The following CHN2 variants were observed in gnomAD, a reference collection of about 807,000 sequenced individuals.
CHN2 encodes the protein beta-chimaerin.
A neutral mutation model predicts 56.3 loss-of-function variants in CHN2; 35 were observed. That is an observed-to-expected ratio of 0.62 (90% CI 0.47 to 0.82). The LOEUF is 0.82. Among genes scored for constraint, CHN2 ranks in the 40% least tolerant of loss-of-function variants. The probability of loss-of-function intolerance (pLI) is 0.00; values close to 1 mark genes in which losing one functional copy is unlikely to be tolerated. For synonymous variants in CHN2, 210 were observed against 212.8 expected, an observed-to-expected ratio of 0.99 and a Z score of 0.12; for missense variants, 491 against 580.5, an observed-to-expected ratio of 0.85 and a Z score of 1.58.
At chr7:29,150,381 A>T (rs1352387469) in intron 2 of CHN2, among the ~76,000 whole-genome samples, 1 of 152,246 alleles carries the variant, frequency 6.6e-6, no homozygotes, top group Non-Finnish European at 1.5e-5. Context: ...TGTAACAATA[A>T]TAATGGTGAT....
chr7:29,482,227 C>G (rs1287589869), intron 7 of CHN2, among the ~76,000 whole-genome samples: 3 of 152,172 alleles, frequency 2.0e-5, no homozygotes, highest in South Asian at 2.1e-4. Context: ...AGTACACAAG[C>G]CAGACAGGAG....
At chr7:29,224,960 G>T (rs1786080076) in intron 1 of CHN2, among the ~76,000 whole-genome samples, 1 of 152,088 alleles carries the variant, frequency 6.6e-6, no homozygotes, top group Non-Finnish European at 1.5e-5. Context: ...AAGGATAAAG[G>T]CAGATTTCCA....
In CHN2 at chr7:29,219,173, C is replaced by T. The variant is rs1785579139; in HGVS notation, c.49+24183C>T. ...CTCCTAGAGCCAAGGCCAAATTATA[C>T]TCATGTGTAGTCAAGGTAATGAAAG... On this transcript the variant is annotated intron_variant, in intron 1 of 12. Transcript: ENST00000222792. 1.3e-5 allele frequency among the ~76,000 whole-genome samples: 2 copies of T among 152,168 alleles called. 1 individual carries two copies. Among genetic ancestry groups the T allele is most frequent in the South Asian group, 4.1e-4 (2 of 4,822 alleles).
intron 1 of CHN2, among the ~76,000 whole-genome samples, chr7:29,259,571 AT>A (rs935950961): frequency 2.6e-5 from 4 of 152,144 alleles, no homozygotes; most frequent in Non-Finnish European, 5.9e-5. Flanking sequence ...CATCTTTTAT[AT>A]TGGTACTATT....
chr7:29,286,191 C>G (rs1282311907), intron 1 of CHN2, among the ~76,000 whole-genome samples: 3 of 148,836 alleles, frequency 2.0e-5, no homozygotes, highest in African/African-American at 7.5e-5. Flanking sequence ...CCCCGCCCCC[C>G]ATGATTCCAT....
At chr7:29,347,485 G>A (rs1221749062) in intron 1 of CHN2, among the ~76,000 whole-genome samples, 1 of 152,128 alleles carries the variant, frequency 6.6e-6, no homozygotes, top group Non-Finnish European at 1.5e-5. Flanking sequence ...CGGAGGGGAA[G>A]CAGGCACCTT....
In CHN2 at chr7:29,489,739, G is replaced by A. The variant is rs558966429; in HGVS notation, c.655-6213G>A. ...CTGGGTGCTACTTGCTCTTCGAGAC[G>A]TCTATGCATTTATTTGGCTGGACAG... On this transcript the variant is annotated intron_variant, in intron 7 of 12. Coordinates refer to ENST00000222792, the MANE Select transcript of CHN2 (RefSeq NM_004067.4). Among the ~76,000 whole-genome samples the A allele has an allele frequency of 6.6e-5, 10 of 152,264 alleles. No individual in the cohort carries two copies. The East Asian group carries it at 9.6e-4, about 15-fold the overall frequency.
chr7:29,247,749 T>C (rs1001010682), intron 1 of CHN2, among the ~76,000 whole-genome samples: 17 of 152,254 alleles, frequency 1.1e-4, no homozygotes, highest in African/African-American at 3.9e-4. Flanking sequence ...GGAAAGGAGC[T>C]GTTCTGTTAT....
chr7:29,458,419 C>A (rs962203481), intron 6 of CHN2, among the ~76,000 whole-genome samples: 16 of 140,466 alleles, frequency 1.1e-4, no homozygotes, highest in Admixed American at 7.9e-4. Flanking sequence ...ACACACACAC[C>A]CCATGCATTA....
intron 1 of CHN2, chr7:29,146,831 A>G (rs750105059): frequency 1.1e-4 from 171 of 1,550,534 alleles, no homozygotes; most frequent in Non-Finnish European, 1.4e-4. Flanking sequence ...GTATTTTGAA[A>G]TTATTTCTGC....
At chr7:29,227,000 G>A (rs1170108735) in intron 1 of CHN2, among the ~76,000 whole-genome samples, 1 of 152,200 alleles carries the variant, frequency 6.6e-6, no homozygotes, top group Non-Finnish European at 1.5e-5. Flanking sequence ...ACATGAGGGT[G>A]TCATAAATGG....
At chr7:29,325,081 C>T (rs1366153558) in intron 1 of CHN2, among the ~76,000 whole-genome samples, 2 of 152,166 alleles carry the variant, frequency 1.3e-5, no homozygotes, top group Admixed American at 1.3e-4. Context: ...TTTTGACTCC[C>T]TTTACAGTCT....
chr7:29,437,712 C>G (rs114855837), intron 6 of CHN2, among the ~76,000 whole-genome samples: 1,592 of 147,802 alleles, frequency 0.011, 28 homozygotes, highest in African/African-American at 0.038. Context: ...GTAGATAGCT[C>G]TTTGCTTAGG....
intron 6 of CHN2, among the ~76,000 whole-genome samples, chr7:29,468,400 A>G (rs1313890767): frequency 1.3e-5 from 2 of 152,040 alleles, no homozygotes; most frequent in Non-Finnish European, 2.9e-5. Context: ...ACTTCCACCA[A>G]CACCAAGGGA....
At chr7:29,352,367 GTA>G (rs1554277943) in intron 1 of CHN2, among the ~76,000 whole-genome samples, 31 of 128,256 alleles carry the variant, frequency 2.4e-4, no homozygotes, top group South Asian at 7.0e-4. Context: ...GTGTGTGTGT[GTA>G]TGTGTGTGTG....
chr7:29,305,849 TCTCTTTCTCCC>T (rs1478896076), intron 1 of CHN2, among the ~76,000 whole-genome samples: 4 of 76,326 alleles, frequency 5.2e-5, no homozygotes, highest in African/African-American at 1.2e-4. Flanking sequence ...TTTTCCTTTC[TCTCTTTCTCCC>T]CTCTTTCTAC....
intron 1 of CHN2, among the ~76,000 whole-genome samples, chr7:29,342,433 A>G (rs528666410): frequency 2.0e-5 from 3 of 152,254 alleles, no homozygotes; most frequent in Admixed American, 6.5e-5. Context: ...CCAAAAAAAT[A>G]TTTCTTGGCT....
At chr7:29,165,420 G>T (rs1396545755) in intron 2 of CHN2, among the ~76,000 whole-genome samples, 1 of 151,998 alleles carries the variant, frequency 6.6e-6, no homozygotes, top group African/African-American at 2.4e-5. Context: ...CAATATTTTT[G>T]TGTGTGTAGG....
Position 29,348,686 on chromosome 7 carries a change from C to A in CHN2, c.50-5939C>A, listed in dbSNP as rs1047940629. ...ACTGTACATGCTGTGTGTGTTATTA[C>A]AACAGTTATTTTTGTTGGGTCTTTT... On this transcript the variant is annotated intron_variant, in intron 1 of 12. Transcript: ENST00000222792. Among the ~76,000 whole-genome samples, 5 of 152,124 alleles carry A rather than the reference C, an allele frequency of 3.3e-5. No individual in the cohort carries two copies. In the East Asian group the frequency reaches 7.7e-4, roughly 23 times the overall value.
Sources: allele counts gnomAD v4.1 joint callset (sites outside exome capture counted in the v4.1 genomes callset), GRCh38; gene constraint gnomAD v4.1.1; transcripts MANE v1.5; gene names NCBI Gene and HGNC (gene_info 2026-07-23, HGNC 2026-07-21).